CPO: variants seen among roughly 807,000 people sequenced by gnomAD.
CPO encodes carboxypeptidase O, also known as metallocarboxypeptidase C.
Under a neutral mutation model 41.2 loss-of-function variants are expected in CPO, and 43 were observed. The observed-to-expected ratio is 1.04, with a 90% CI of 0.82 to 1.35. CPO has a LOEUF of 1.35. Ranked by LOEUF, CPO falls within the 40% of genes most tolerant of loss-of-function variation. The pLI, the probability that CPO is intolerant of heterozygous loss-of-function variation, is 0.00. For missense variants in CPO, 408 were observed against 451.7 expected (o/e 0.90, Z 0.88); for synonymous variants, 178 against 162.7 (o/e 1.09, Z -0.72).
At chr2:206,939,825 G>A (rs527492541) in intron 1 of CPO, among the ~76,000 whole-genome samples, 158 bp downstream of exon 1, 2 of 152,100 alleles carry the variant, frequency 1.3e-5, no homozygotes, top group South Asian at 4.1e-4. Flanking sequence ...ATTTATCACT[G>A]AATAATCATA....
intron 2 of CPO, among the ~76,000 whole-genome samples, chr2:206,951,493 A>G (rs980490539): frequency 6.6e-6 from 1 of 152,240 alleles, no homozygotes; most frequent in African/African-American, 2.4e-5. Context: ...AATGACCTTT[A>G]CCAATTTATT....
At chr2:206,950,553 T>C (rs1693239916) in intron 2 of CPO, among the ~76,000 whole-genome samples, 1 of 152,190 alleles carries the variant, frequency 6.6e-6, no homozygotes, top group Non-Finnish European at 1.5e-5. Context: ...AGAAATACTA[T>C]TTGACCCAGC....
chr2:206,947,201 G>T (rs1183614309), intron 1 of CPO, among the ~76,000 whole-genome samples: 1 of 152,088 alleles, frequency 6.6e-6, no homozygotes, highest in African/African-American at 2.4e-5. Context: ...ATCAAGACAG[G>T]TGTTATTGGT....
chr2:206,941,704 T>A (rs1202522874), intron 1 of CPO, among the ~76,000 whole-genome samples: 1 of 152,134 alleles, frequency 6.6e-6, no homozygotes, highest in Non-Finnish European at 1.5e-5. Flanking sequence ...TTTATGTAAC[T>A]CTCGCCAACT....
rs144903983 is a variant in CPO, at chr2:206,961,262, C to A, written c.574+320C>A. ...AAGAAAAGAAAAATCAGAGACTTAT[C>A]CTTGCAGATTATTTCATAGCAGGGG... is the stretch of plus-strand genomic sequence containing the variant. On this transcript the variant is annotated intron_variant, in intron 6 of 8. Coordinates refer to ENST00000272852, the MANE Select transcript of CPO (RefSeq NM_173077.3). Among the ~76,000 whole-genome samples the A allele has an allele frequency of 6.6e-5, 10 of 152,262 alleles. 1 individual carries two copies. The East Asian group carries it at 1.2e-3, about 18-fold the overall frequency.
chr2:206,940,451 T>TA (rs1195339438), intron 1 of CPO, among the ~76,000 whole-genome samples: 2 of 152,206 alleles, frequency 1.3e-5, no homozygotes, highest in Non-Finnish European at 2.9e-5. Flanking sequence ...AATTGACAAG[T>TA]AAAAAATACA....
At position 206,969,290 on chromosome 2, in the gene CPO, C is replaced by A; in HGVS notation, c.979C>A (p.Gln327Lys). ...YGFVLPEAQI[Q>K]PTCEETMEAV... ...GTTTGTTCTGCCAGAAGCTCAGATC[C>A]AGCCCACCTGTGAGGAGACCATGGA... The change falls in exon 9 of 9, where the codon CAG becomes AAG. Residue 327 changes from glutamine to lysine, a missense_variant. Gln to Lys is a moderately conservative substitution (Grantham distance 53). Transcript: ENST00000272852. 1.9e-6 allele frequency: 3 copies of A among 1,614,108 alleles called. No homozygotes were observed. Among genetic ancestry groups the A allele is most frequent in the Non-Finnish European group, 2.5e-6 (3 of 1,180,014 alleles).
intron 2 of CPO, among the ~76,000 whole-genome samples, chr2:206,952,195 C>T (rs568447725): frequency 6.6e-6 from 1 of 151,864 alleles, no homozygotes; most frequent in Admixed American, 6.6e-5. Context: ...CTCACTGCAA[C>T]CTCCACCTCC....
intron 1 of CPO, among the ~76,000 whole-genome samples, chr2:206,946,938 C>G (rs75608708): frequency 0.047 from 7,160 of 152,158 alleles, 532 homozygotes; most frequent in African/African-American, 0.16. Context: ...AACTAAAAAA[C>G]TCTAATGAAA....
intron 1 of CPO, among the ~76,000 whole-genome samples, chr2:206,947,255 A>G (rs1574346899): frequency 6.6e-6 from 1 of 152,198 alleles, no homozygotes; most frequent in Non-Finnish European, 1.5e-5. Context: ...TAGGGATCCC[A>G]TAAATAAACC....
At chr2:206,968,568 G>T (rs1457739793) in intron 8 of CPO, among the ~76,000 whole-genome samples, 1 of 152,166 alleles carries the variant, frequency 6.6e-6, no homozygotes, top group Non-Finnish European at 1.5e-5. Flanking sequence ...TAATGCGTTG[G>T]CTCAGACCAG....
At chr2:206,956,771 A>C (rs1693374507) in intron 3 of CPO, among the ~76,000 whole-genome samples, 1 of 152,204 alleles carries the variant, frequency 6.6e-6, no homozygotes, top group Non-Finnish European at 1.5e-5. Context: ...TACTTAGTGT[A>C]GGTGTGTTAA....
intron 1 of CPO, among the ~76,000 whole-genome samples, chr2:206,947,512 C>T (rs1054264001): frequency 6.6e-6 from 1 of 152,066 alleles, no homozygotes. Flanking sequence ...TTAGATACAA[C>T]ACACATGGCA....
intron 2 of CPO, among the ~76,000 whole-genome samples, chr2:206,950,727 A>G (rs545066176): frequency 2.0e-5 from 3 of 152,332 alleles, no homozygotes; most frequent in African/African-American, 7.2e-5. Context: ...CATATACACC[A>G]TGGAATACTA....
At chr2:206,968,424 C>T (rs191752296) in intron 8 of CPO, 77 bp downstream of exon 8, 95 of 825,500 alleles carry the variant, frequency 1.2e-4, no homozygotes, top group Admixed American at 6.7e-4. Context: ...GTGAGATAGG[C>T]GGGAGAGGAA....
Position 206,955,496 on chromosome 2 carries a change from T to G in CPO, c.199T>G (p.Tyr67Asp), listed in dbSNP as rs1347924342. 18 of 1,611,444 alleles carry G rather than the reference T, an allele frequency of 1.1e-5. No individual in the cohort carries two copies. The highest frequency in any genetic ancestry group is 1.4e-5 in the Non-Finnish European group (16 of 1,177,544). Residue 67 changes from tyrosine (Y) to aspartate (D), a missense_variant, in exon 3 of 9, where the codon TAC becomes GAC. By Grantham distance (160) the Tyr-to-Asp change is radical. Transcript: ENST00000272852. ...YEWMREISEK[Y>D]KEVVTQHFLG... ...GTGGATGAGAGAGATCAGTGAGAAG[T>G]ACAAGGAAGTGGTGACACAGCATTT...
At chr2:206,945,649 TGTTTCTCTTAG>T (rs1392814312) in intron 1 of CPO, among the ~76,000 whole-genome samples, 1 of 152,194 alleles carries the variant, frequency 6.6e-6, no homozygotes, top group Non-Finnish European at 1.5e-5. Flanking sequence ...TCTGCATGAA[TGTTTCTCTTAG>T]GTGTGAGCAC....
intron 3 of CPO, 91 bp from the exon 4 acceptor site, chr2:206,958,210 C>T (rs1693407455): frequency 3.1e-6 from 2 of 652,784 alleles, no homozygotes; most frequent in East Asian, 5.8e-5. Context: ...GAAAAAGGAA[C>T]CTCTAGGGGA....
chr2:206,962,647 C>A, intron 7 of CPO, 33 bp downstream of exon 7: 1 of 1,548,738 alleles, frequency 6.5e-7, no homozygotes. Flanking sequence ...TCCAGAAAAA[C>A]CTCAGCAAGA....
Sources: gnomAD v4.1 joint callset for allele counts (sites outside exome capture counted in the v4.1 genomes callset) on GRCh38, gnomAD v4.1.1 for gene constraint, MANE v1.5 for transcripts, NCBI Gene and HGNC (gene_info 2026-07-23, HGNC 2026-07-21) for gene names.